The following AUTS2 variants were observed in gnomAD, a reference collection of about 807,000 sequenced individuals.
AUTS2 encodes the protein autism susceptibility gene 2 protein.
A neutral mutation model predicts 112.4 loss-of-function variants in AUTS2; 17 were observed. The ratio of observed to expected loss-of-function variants is 0.15; its 90% confidence interval spans 0.10 to 0.23. The LOEUF (loss-of-function observed/expected upper bound fraction) is 0.23, where lower values mean the gene tolerates loss of function less well. AUTS2 is among the 10% of genes least tolerant of loss of function. AUTS2 has a pLI of 1.00. For synonymous variants in AUTS2, 751 were observed against 702.7 expected (o/e 1.07, Z -1.09); for missense variants, 1,510 against 1,701.6 (o/e 0.89, Z 1.98).
chr7:70,682,298 T>G (rs1488008903), intron 5 of AUTS2, among the ~76,000 whole-genome samples: 2 of 152,220 alleles, frequency 1.3e-5, no homozygotes, highest in African/African-American at 4.8e-5. Context: ...CAATCTGTTT[T>G]GGATAAAAGA....
At chr7:69,723,810 A>G (rs550713429) in intron 1 of AUTS2, among the ~76,000 whole-genome samples, 1 of 152,324 alleles carries the variant, frequency 6.6e-6, no homozygotes, top group African/African-American at 2.4e-5. Context: ...CACTGGCATC[A>G]TGTAAGAAAC....
At chr7:70,678,860 C>G (rs534291919) in intron 5 of AUTS2, among the ~76,000 whole-genome samples, 1 of 152,270 alleles carries the variant, frequency 6.6e-6, no homozygotes, top group East Asian at 1.9e-4. Flanking sequence ...AGAAGAGAGG[C>G]CCAAGTGTGT....
chr7:70,059,613 C>A (rs1239352175), intron 2 of AUTS2, among the ~76,000 whole-genome samples: 2 of 152,072 alleles, frequency 1.3e-5, no homozygotes, highest in African/African-American at 2.4e-5. Flanking sequence ...TGAGTAGGGC[C>A]TTAAAGGATG....
At chr7:69,846,886 TC>T (rs1792227569) in intron 1 of AUTS2, among the ~76,000 whole-genome samples, 1 of 152,134 alleles carries the variant, frequency 6.6e-6, no homozygotes, top group Non-Finnish European at 1.5e-5. Flanking sequence ...ACATCAGCTT[TC>T]TAATCTAGGT....
At chr7:70,087,883 T>C (rs547205835) in intron 2 of AUTS2, among the ~76,000 whole-genome samples, 1 of 152,284 alleles carries the variant, frequency 6.6e-6, no homozygotes, top group South Asian at 2.1e-4. Context: ...CAAATTCAAT[T>C]TGTTTAATTG....
chr7:69,614,031 G>C (rs1793187438), intron 1 of AUTS2, among the ~76,000 whole-genome samples: 1 of 152,098 alleles, frequency 6.6e-6, no homozygotes, highest in African/African-American at 2.4e-5. Flanking sequence ...GAATATAACT[G>C]TTAGATTTAC....
chr7:69,957,075 C>T (rs1221652894), intron 2 of AUTS2, among the ~76,000 whole-genome samples: 18 of 139,226 alleles, frequency 1.3e-4, no homozygotes, highest in South Asian at 9.1e-4. Flanking sequence ...TTTGGAGAGA[C>T]GGGGTTTTGC....
At chr7:69,789,430 A>AG (rs1789520058) in intron 1 of AUTS2, among the ~76,000 whole-genome samples, 1 of 152,188 alleles carries the variant, frequency 6.6e-6, no homozygotes, top group African/African-American at 2.4e-5. Context: ...GATTTCTCAA[A>AG]GGGGTAGTCC....
chr7:70,335,418 A>G (rs1790944018), intron 4 of AUTS2, among the ~76,000 whole-genome samples: 1 of 152,134 alleles, frequency 6.6e-6, no homozygotes, highest in African/African-American at 2.4e-5. Flanking sequence ...TGCTCCCCGA[A>G]GTAGTGGGCC....
chr7:70,272,929 A>C (rs1787761120), intron 4 of AUTS2, among the ~76,000 whole-genome samples: 1 of 152,162 alleles, frequency 6.6e-6, no homozygotes, highest in African/African-American at 2.4e-5. Context: ...TTCAAGACCA[A>C]TCTAGACAAA....
At chr7:70,100,427 C>T (rs28489338) in intron 2 of AUTS2, among the ~76,000 whole-genome samples, 12,195 of 150,078 alleles carry the variant, frequency 0.081, 626 homozygotes, top group African/African-American at 0.14. Flanking sequence ...AACGGTTGTA[C>T]CATTTTTTTT....
rs754716864 is a variant in AUTS2, at chr7:70,435,788, C to A, written c.690+7C>A. On this transcript the variant is annotated splice_region_variant and intron_variant, in intron 5 of 18. Transcript: ENST00000342771. ...CAGTGACCAGGAAGAGAAGGTAAGACCCCCCCTCCCCCATTGTGGGCACAG... is the reference window on the plus strand; with the variant it reads ...CAGTGACCAGGAAGAGAAGGTAAGAACCCCCCTCCCCCATTGTGGGCACAG... 1.2e-6 allele frequency: 2 copies of A among 1,611,854 alleles called. No individual in the cohort carries two copies. Among genetic ancestry groups the A allele is most frequent in the Admixed American group, 1.7e-5 (1 of 59,960 alleles).
intron 2 of AUTS2, among the ~76,000 whole-genome samples, chr7:69,920,732 G>A (rs992094665): frequency 2.6e-5 from 4 of 152,144 alleles, no homozygotes; most frequent in African/African-American, 4.8e-5. Flanking sequence ...CAACACTGGC[G>A]TGAAATGGTT....
At chr7:70,258,548 G>A (rs1787001779) in intron 4 of AUTS2, among the ~76,000 whole-genome samples, 1 of 152,164 alleles carries the variant, frequency 6.6e-6, no homozygotes, top group Admixed American at 6.5e-5. Context: ...CCTTGTCCAT[G>A]TGTGAGGCAA....
At chr7:70,363,030 G>C (rs558268483) in intron 4 of AUTS2, among the ~76,000 whole-genome samples, 1 of 152,328 alleles carries the variant, frequency 6.6e-6, no homozygotes, top group South Asian at 2.1e-4. Context: ...TATTCTCTCA[G>C]TCTTTCCCTC....
At chr7:69,974,889 T>G (rs971863960) in intron 2 of AUTS2, among the ~76,000 whole-genome samples, 7 of 152,148 alleles carry the variant, frequency 4.6e-5, no homozygotes, top group Non-Finnish European at 7.4e-5. Flanking sequence ...TTCTTATGGA[T>G]AGCATAGAGT....
At position 69,599,187 on chromosome 7, in the gene AUTS2, G is replaced by C. The variant is rs1230369429; in HGVS notation, c.-467G>C. ...GATTTTGGATCGAGTTGAGGGGGGCGCGGGCGTTTTCGGGGGGCGGGGGGC... is the reference window on the plus strand; with the variant it reads ...GATTTTGGATCGAGTTGAGGGGGGCCCGGGCGTTTTCGGGGGGCGGGGGGC... On this transcript the variant is annotated 5_prime_UTR_variant, in exon 1 of 19. Coordinates refer to ENST00000342771, the MANE Select transcript of AUTS2 (RefSeq NM_015570.4). The surrounding 1 kb of genome is among the most constrained non-coding windows in gnomAD (Gnocchi z 7.0). 1 of 151,034 alleles carries C rather than the reference G, an allele frequency of 6.6e-6. No homozygotes were observed. Among genetic ancestry groups the C allele is most frequent in the Middle Eastern group, 3.3e-3 (1 of 304 alleles). 9.4% of individuals were successfully genotyped at this position (151,034 alleles called of 1,614,324 possible).
intron 6 of AUTS2, among the ~76,000 whole-genome samples, chr7:70,759,056 A>C (rs971760148): frequency 3.2e-4 from 49 of 152,212 alleles, no homozygotes; most frequent in African/African-American, 1.2e-3. Context: ...GGGCTGGCTG[A>C]AGTGCAGTGT....
rs1407300687 is a variant in AUTS2, at chr7:70,245,132, AAGTGTGTGTGT to A, written c.660+110562_660+110572del. Among the ~76,000 whole-genome samples the A allele has an allele frequency of 3.5e-3, 343 of 98,784 alleles. 11 individuals are homozygous for A. The highest frequency in any genetic ancestry group is 8.8e-3 in the African/African-American group (216 of 24,560). The allele number at this position is 98,784 out of a possible 152,430, so 64.8% of individuals were successfully genotyped here. ...GAGATCCTGCCTCAAAAAAAAAAAA[AAGTGTGTGTGT>A]GTATATATATATATATATATATATA... On this transcript the variant is annotated intron_variant, in intron 4 of 18. Coordinates refer to ENST00000342771, the MANE Select transcript of AUTS2 (RefSeq NM_015570.4).
Sources: allele counts gnomAD v4.1 joint callset (sites outside exome capture counted in the v4.1 genomes callset), GRCh38; gene constraint gnomAD v4.1.1; non-coding constraint Gnocchi (gnomAD v3.1); transcripts MANE v1.5; gene names NCBI Gene and HGNC (gene_info 2026-07-23, HGNC 2026-07-21).